The following CNTN5 variants were observed in gnomAD, a reference collection of about 807,000 sequenced individuals.
The protein encoded by CNTN5 is contactin 5, also known as contactin-5.
Under a neutral mutation model 129.1 loss-of-function variants are expected in CNTN5, and 77 were observed. That is an observed-to-expected ratio of 0.60 (90% CI 0.50 to 0.72). CNTN5 has a LOEUF of 0.72. Among genes scored for constraint, CNTN5 ranks in the 30% least tolerant of loss-of-function variants. The pLI, the probability that CNTN5 is intolerant of heterozygous loss-of-function variation, is 0.00. For missense variants in CNTN5, 1,478 were observed against 1,328.8 expected (o/e 1.11, Z -1.75); for synonymous variants, 509 against 465.6 (o/e 1.09, Z -1.20).
intron 1 of CNTN5, among the ~76,000 whole-genome samples, chr11:99,308,818 GT>G (rs1447050866): frequency 6.6e-6 from 1 of 151,842 alleles, no homozygotes; most frequent in Non-Finnish European, 1.5e-5. Context: ...CTTATGCTCT[GT>G]TCCTCTCATT....
At chr11:99,585,938 A>G (rs544282786) in intron 3 of CNTN5, among the ~76,000 whole-genome samples, 1 of 152,226 alleles carries the variant, frequency 6.6e-6, no homozygotes, top group South Asian at 2.1e-4. Context: ...TTGTAAAATA[A>G]ATTGTTCTTT....
At chr11:99,602,213 A>G (rs1212477574) in intron 3 of CNTN5, among the ~76,000 whole-genome samples, 1 of 152,114 alleles carries the variant, frequency 6.6e-6, no homozygotes, top group African/African-American at 2.4e-5. Flanking sequence ...TTATGTATAC[A>G]TAATATTTGT....
chr11:99,248,101 C>T (rs988952501), intron 1 of CNTN5, among the ~76,000 whole-genome samples: 8 of 152,164 alleles, frequency 5.3e-5, no homozygotes, highest in African/African-American at 1.9e-4. Context: ...GTTCCTATTT[C>T]TCCACATCTT....
chr11:99,322,077 G>C (rs910687384), intron 1 of CNTN5, among the ~76,000 whole-genome samples: 3 of 152,100 alleles, frequency 2.0e-5, no homozygotes, highest in Non-Finnish European at 4.4e-5. Flanking sequence ...AGTTGTATTA[G>C]TTTTCTAGGG....
chr11:99,737,942 AATT>A (rs1260235544), intron 3 of CNTN5, among the ~76,000 whole-genome samples: 1 of 152,142 alleles, frequency 6.6e-6, no homozygotes, highest in African/African-American at 2.4e-5. Flanking sequence ...AAATCTTTGA[AATT>A]GTGATGCATC....
At chr11:99,867,539 C>T (rs544139950) in intron 6 of CNTN5, among the ~76,000 whole-genome samples, 6 of 152,302 alleles carry the variant, frequency 3.9e-5, no homozygotes, top group Admixed American at 2.6e-4. Context: ...TTTCCAGTTT[C>T]TGGCTGCTGC....
In CNTN5 at chr11:99,956,955, G is replaced by A. The variant is rs1239961213; in HGVS notation, c.823G>A (p.Val275Met). Reference sequence around the variant, plus strand: ...CTATATTTGTCTGGTGAAAAACACAGTGACGAATGCTAGAGTCCTTAGTCC... The same window carrying A: ...CTATATTTGTCTGGTGAAAAACACAATGACGAATGCTAGAGTCCTTAGTCC... The part of the protein sequence containing the change: ...GSYICLVKNT[V>M]TNARVLSPPT... Residue 275 changes from valine (V) to methionine (M), a missense_variant, in exon 8 of 25, where the codon GTG becomes ATG. Val to Met is a conservative substitution (Grantham distance 21). Transcript: ENST00000524871. 6.2e-7 allele frequency: 1 copy of A among 1,613,900 alleles called. No homozygotes were observed. Among genetic ancestry groups the A allele is most frequent in the East Asian group, 2.2e-5 (1 of 44,874 alleles).
chr11:99,690,575 T>TAA lies in CNTN5; in HGVS notation c.56-128963_56-128962dup, dbSNP rs139757962. On this transcript the variant is annotated intron_variant, in intron 3 of 24. Transcript: ENST00000524871. ...ATTGCTTTAGTCAGTTCGGCCATTT[T>TAA]AAAAAAACTGATTCTTCCTATCTAT... 6.6e-5 allele frequency among the ~76,000 whole-genome samples: 10 copies of TAA among 152,122 alleles called. 1 individual carries two copies. The highest frequency in any genetic ancestry group is 3.9e-4 in the Admixed American group (6 of 15,274).
intron 1 of CNTN5, among the ~76,000 whole-genome samples, chr11:99,029,490 CCTGTAAAAGA>C (rs1254852775): frequency 3.3e-5 from 5 of 151,854 alleles, no homozygotes; most frequent in Non-Finnish European, 5.9e-5. Context: ...GGAAAAAATA[CCTGTAAAAGA>C]CTGTAGAAAC....
At chr11:99,277,895 A>G (rs73536866) in intron 1 of CNTN5, among the ~76,000 whole-genome samples, 2,582 of 151,832 alleles carry the variant, frequency 0.017, 84 homozygotes, top group African/African-American at 0.059. Flanking sequence ...AATTCCCTGG[A>G]TCACGACACA....
chr11:99,790,933 CT>C (rs1945719933), intron 3 of CNTN5, among the ~76,000 whole-genome samples: 1 of 151,838 alleles, frequency 6.6e-6, no homozygotes, highest in Non-Finnish European at 1.5e-5. Context: ...GTTTAATATC[CT>C]TTTTGGCCAC....
intron 1 of CNTN5, among the ~76,000 whole-genome samples, chr11:99,099,672 G>A (rs1866631466): frequency 6.6e-6 from 1 of 152,012 alleles, no homozygotes. Flanking sequence ...AAGTTGCCTT[G>A]AGACCCTTAC....
chr11:99,633,899 T>G (rs1951454348), intron 3 of CNTN5, among the ~76,000 whole-genome samples: 1 of 152,060 alleles, frequency 6.6e-6, no homozygotes, highest in Non-Finnish European at 1.5e-5. Flanking sequence ...AGACAAGAAT[T>G]TCAGGAGAGA....
intron 8 of CNTN5, among the ~76,000 whole-genome samples, chr11:99,968,068 A>C (rs945064327): frequency 6.6e-6 from 1 of 152,188 alleles, no homozygotes; most frequent in African/African-American, 2.4e-5. Context: ...CATCTTCGCA[A>C]AATTCACCAT....
intron 18 of CNTN5, among the ~76,000 whole-genome samples, chr11:100,291,212 G>A (rs943787231): frequency 1.9e-4 from 29 of 150,594 alleles, no homozygotes; most frequent in Non-Finnish European, 3.3e-4. Context: ...ATTCCTCAGG[G>A]ATCTAGAACT....
intron 3 of CNTN5, among the ~76,000 whole-genome samples, chr11:99,617,156 G>C (rs1341151803): frequency 6.6e-6 from 1 of 152,128 alleles, no homozygotes; most frequent in Non-Finnish European, 1.5e-5. Context: ...TCAATTGTTT[G>C]ATATGGCTGC....
chr11:99,897,516 T>A (rs1251358176), intron 6 of CNTN5, among the ~76,000 whole-genome samples: 5 of 150,992 alleles, frequency 3.3e-5, no homozygotes, highest in African/African-American at 7.3e-5. Context: ...AAAAAAAAAA[T>A]GTCAGCTAAG....
intron 1 of CNTN5, among the ~76,000 whole-genome samples, chr11:99,047,774 C>A (rs945114930): frequency 1.3e-5 from 2 of 152,022 alleles, no homozygotes; most frequent in African/African-American, 4.8e-5. Context: ...AGCTCATATA[C>A]AAATTAAACA....
chr11:99,403,565 T>G (rs1391220307), intron 2 of CNTN5, among the ~76,000 whole-genome samples: 1 of 152,178 alleles, frequency 6.6e-6, no homozygotes, highest in African/African-American at 2.4e-5. Context: ...TCCATTATCA[T>G]TTGTTTCAAA....
Sources: gnomAD v4.1 joint callset for allele counts (sites outside exome capture counted in the v4.1 genomes callset) on GRCh38, gnomAD v4.1.1 for gene constraint, MANE v1.5 for transcripts, NCBI Gene and HGNC (gene_info 2026-07-23, HGNC 2026-07-21) for gene names.